The following MIGA1 variants were observed in gnomAD, a reference collection of about 807,000 sequenced individuals.
MIGA1 encodes the protein mitoguardin 1, also known as family with sequence similarity 73, member A.
A neutral mutation model predicts 82.0 loss-of-function variants in MIGA1; 58 were observed. The ratio of observed to expected loss-of-function variants is 0.71; its 90% CI spans 0.57 to 0.88. The LOEUF (loss-of-function observed/expected upper bound fraction) is 0.88. MIGA1 is among the 40% of genes least tolerant of loss of function. The pLI, the probability that MIGA1 is intolerant of heterozygous loss-of-function variation, is 0.00. For synonymous variants in MIGA1, 249 were observed against 253.6 expected (o/e 0.98, Z 0.17); for missense variants, 751 against 749.1 (o/e 1.00, Z -0.03).
intron 3 of MIGA1, 147 bp from the exon 4 acceptor site, chr1:77,803,123 G>A (rs1682952035): frequency 2.5e-6 from 1 of 403,782 alleles, no homozygotes; most frequent in East Asian, 3.8e-5. Context: ...TAATAATGAT[G>A]TACATGTAAT....
intron 14 of MIGA1, among the ~76,000 whole-genome samples, chr1:77,871,354 T>G (rs904990625): frequency 6.6e-6 from 1 of 151,878 alleles, no homozygotes; most frequent in East Asian, 1.9e-4. Flanking sequence ...ACTCAAAAAT[T>G]AGCTGGGCAT....
intron 3 of MIGA1, among the ~76,000 whole-genome samples, chr1:77,802,586 A>G (rs1172753569): frequency 6.6e-6 from 1 of 152,184 alleles, no homozygotes; most frequent in African/African-American, 2.4e-5. Flanking sequence ...CAGCCTGGAC[A>G]ACATAGTGGG....
At chr1:77,787,997 C>T (rs1682245563) in intron 2 of MIGA1, among the ~76,000 whole-genome samples, 2 of 149,882 alleles carry the variant, frequency 1.3e-5, no homozygotes, top group Admixed American at 1.3e-4. Flanking sequence ...TGTATTTTTT[C>T]TTTTTTTTAG....
intron 5 of MIGA1, among the ~76,000 whole-genome samples, chr1:77,807,933 C>T (rs1442711590): frequency 6.6e-6 from 1 of 152,126 alleles, no homozygotes; most frequent in Admixed American, 6.5e-5. Context: ...ATTCTCATGC[C>T]TCAGCCTCCC....
intron 8 of MIGA1, 34 bp downstream of exon 8, chr1:77,843,441 T>C (rs1452314114): frequency 3.1e-5 from 48 of 1,541,018 alleles, no homozygotes; most frequent in Non-Finnish European, 4.3e-5. Flanking sequence ...AGGATTTCTG[T>C]TTCTTTTTTG....
intron 2 of MIGA1, among the ~76,000 whole-genome samples, chr1:77,794,264 T>C (rs929679433): frequency 7.2e-5 from 11 of 152,202 alleles, no homozygotes; most frequent in African/African-American, 2.4e-4. Context: ...TATTCTTAAC[T>C]ACACTATAGA....
chr1:77,834,122 A>C (rs921424968), intron 7 of MIGA1, among the ~76,000 whole-genome samples: 4 of 152,148 alleles, frequency 2.6e-5, no homozygotes, highest in Non-Finnish European at 5.9e-5. Flanking sequence ...AACTTTGACA[A>C]GTTCTCCTTT....
chr1:77,813,397 A>G (rs1027189143), intron 5 of MIGA1, among the ~76,000 whole-genome samples: 10 of 152,342 alleles, frequency 6.6e-5, no homozygotes, highest in African/African-American at 2.2e-4. Context: ...ATTTTGAAAC[A>G]TAGTTGTGTG....
chr1:77,790,864 A>G (rs1036000589), intron 2 of MIGA1, among the ~76,000 whole-genome samples: 8 of 152,152 alleles, frequency 5.3e-5, no homozygotes, highest in Non-Finnish European at 1.0e-4. Context: ...CTGGGATTAC[A>G]GGTGTGAGCC....
At chr1:77,790,769 G>A (rs1395585554) in intron 2 of MIGA1, among the ~76,000 whole-genome samples, 1 of 151,360 alleles carries the variant, frequency 6.6e-6, no homozygotes, top group African/African-American at 2.4e-5. Flanking sequence ...TGTATTTTTA[G>A]TAGAGATGGG....
chr1:77,852,418 G>A (rs1181579229), intron 8 of MIGA1, among the ~76,000 whole-genome samples: 1 of 152,100 alleles, frequency 6.6e-6, no homozygotes. Context: ...GTTACTTAAA[G>A]TAGAGAATAT....
At chr1:77,791,841 G>C (rs140433715) in intron 2 of MIGA1, among the ~76,000 whole-genome samples, 1,871 of 152,216 alleles carry the variant, frequency 0.012, 43 homozygotes, top group South Asian at 0.1. Flanking sequence ...TGGGATTACA[G>C]GCATGAGCCA....
intron 3 of MIGA1, among the ~76,000 whole-genome samples, chr1:77,802,105 G>A (rs774647582): frequency 1.3e-5 from 2 of 152,002 alleles, no homozygotes; most frequent in Non-Finnish European, 2.9e-5. Flanking sequence ...TAAAGATATC[G>A]TATGAATAAA....
chr1:77,860,216 G>GA, intron 11 of MIGA1, 90 bp downstream of exon 11: 1 of 883,122 alleles, frequency 1.1e-6, no homozygotes, highest in Non-Finnish European at 1.7e-6. Flanking sequence ...ATTTTTGATA[G>GA]AAGAAAAATT....
intron 8 of MIGA1, among the ~76,000 whole-genome samples, chr1:77,844,135 TATAGATAGATAG>T (rs1238283613): frequency 1.5e-4 from 17 of 112,524 alleles, no homozygotes; most frequent in South Asian, 5.2e-4. Context: ...TATATATATA[TATAGATAGATAG>T]ATAGATAGAT....
rs1473856342 is a variant in MIGA1 at position 77,851,161 on chromosome 1, G to A, written c.996+7754G>A. 6.6e-5 allele frequency among the ~76,000 whole-genome samples: 10 copies of A among 152,074 alleles called. No homozygotes were observed. In the South Asian group the frequency reaches 8.3e-4, roughly 13 times the overall value. ...GCTAGGATTACAGGCATGAGCCACC[G>A]CGCCGGGCCTTGTTTGATTTCTTTT... is the stretch of plus-strand genomic sequence containing the variant. On this transcript the variant is annotated intron_variant, in intron 8 of 15. Coordinates refer to ENST00000370791, the MANE Select transcript of MIGA1 (RefSeq NM_198549.4).
At position 77,878,893 on chromosome 1, in the gene MIGA1, A is replaced by G; in HGVS notation, c.*3829A>G. The G allele has an allele frequency of 5.7e-6, 2 of 351,044 alleles. No homozygotes were observed. The allele number at this position is 351,044 out of a possible 1,614,324, so 21.7% of individuals were successfully genotyped here. On this transcript the variant is annotated 3_prime_UTR_variant, in exon 16 of 16. Coordinates refer to ENST00000370791, the MANE Select transcript of MIGA1 (RefSeq NM_198549.4). ...TATTCTTTATTTGCATCCATTTACT[A>G]TGATTCCGTTAATTTGTTGAATTAA... is the stretch of plus-strand genomic sequence containing the variant.
chr1:77,866,277 A>G (rs1420231092), intron 13 of MIGA1, 61 bp from the exon 14 acceptor site: 1 of 1,503,116 alleles, frequency 6.7e-7, no homozygotes, highest in Non-Finnish European at 9.2e-7. Context: ...TGAATTTCTA[A>G]TAAAAATGGA....
intron 5 of MIGA1, chr1:77,810,783 T>C: frequency 2.8e-6 from 4 of 1,449,950 alleles, no homozygotes; most frequent in Non-Finnish European, 1.9e-6. Context: ...TGTTGAAGGG[T>C]GAATATGCTA....
Sources: gnomAD v4.1 joint callset for allele counts (sites outside exome capture counted in the v4.1 genomes callset) on GRCh38, gnomAD v4.1.1 for gene constraint, MANE v1.5 for transcripts, NCBI Gene and HGNC (gene_info 2026-07-23, HGNC 2026-07-21) for gene names.